FNDC1: variants seen among roughly 807,000 people sequenced by gnomAD.
FNDC1 encodes fibronectin type III domain-containing protein 1.
In FNDC1, 96 loss-of-function variants were observed where a neutral mutation model predicts 168.0. The observed-to-expected ratio is 0.57, with a 90% CI of 0.48 to 0.68. The LOEUF is 0.68. FNDC1 is among the 30% of genes least tolerant of loss of function. The pLI is 0.00. For missense variants in FNDC1, 2,587 were observed against 2,482.1 expected (o/e 1.04, Z -0.90); for synonymous variants, 1,099 against 1,025.9 (o/e 1.07, Z -1.36).
rs762902369 is a variant in FNDC1 at position 159,232,338 on chromosome 6, G to T, written c.1826G>T (p.Arg609Leu). 8 of 1,613,252 alleles carry T rather than the reference G, an allele frequency of 5.0e-6. No individual in the cohort carries two copies. Among genetic ancestry groups the T allele is most frequent in the African/African-American group, 4.0e-5 (3 of 74,918 alleles). The change falls in exon 11 of 23, where the codon CGC (arginine) becomes CTC (leucine). Residue 609 changes from arginine (R) to leucine (L), a missense_variant. By Grantham distance (102) the Arg-to-Leu change is moderately radical. Transcript: ENST00000297267. This position sits in a 1 kb window ranked among gnomAD's most constrained non-coding sequence, Gnocchi z 4.9. Reference protein sequence around the residue: ...KPGFSLATQPRPGAPPSASAS... With the variant: ...KPGFSLATQPLPGAPPSASAS... ...GGCTTTTCCCTGGCCACGCAGCCCC[G>T]CCCAGGGGCGCCCCCCTCGGCTTCG...
chr6:159,193,193 T>C (rs1292254919), intron 1 of FNDC1, among the ~76,000 whole-genome samples: 2 of 151,748 alleles, frequency 1.3e-5, no homozygotes, highest in Non-Finnish European at 2.9e-5. Context: ...CAATTGGGAG[T>C]TTTCACACAA....
intron 21 of FNDC1, among the ~76,000 whole-genome samples, chr6:159,267,214 G>C (rs1046810618): frequency 6.7e-6 from 1 of 150,194 alleles, no homozygotes; most frequent in Non-Finnish European, 1.5e-5. Context: ...AGTACGGTCT[G>C]TCTCTCTCTC....
At chr6:159,212,471 C>G (rs1469237319) in intron 4 of FNDC1, among the ~76,000 whole-genome samples, 1 of 152,032 alleles carries the variant, frequency 6.6e-6, no homozygotes, top group Admixed American at 6.5e-5. Context: ...GATGATCTAT[C>G]AAAGATGTTT....
chr6:159,169,764 C>A lies in FNDC1; in HGVS notation c.109+59C>A. 4.6e-6 allele frequency: 3 copies of A among 646,644 alleles called. No homozygotes were observed. The highest frequency in any genetic ancestry group is 7.6e-5 in the South Asian group (1 of 13,234). 40.1% of individuals were successfully genotyped at this position (646,644 alleles called of 1,614,324 possible). On this transcript the variant is annotated intron_variant, in intron 1 of 22. Transcript: ENST00000297267. This position sits in a 1 kb window ranked among gnomAD's most constrained non-coding sequence, Gnocchi z 6.8. ...AGCTCCCCGCGCACCCTCCTGCGCT[C>A]GGGCCCCGTCGTCCCGCTCAGTGCT...
chr6:159,196,307 A>G (rs1005383595), intron 1 of FNDC1, among the ~76,000 whole-genome samples: 1 of 152,178 alleles, frequency 6.6e-6, no homozygotes, highest in African/African-American at 2.4e-5. Context: ...CCTCAAATTC[A>G]TACTCTTCTT....
At position 159,266,095 on chromosome 6, in the gene FNDC1, A is replaced by G. The variant is rs1284904421; in HGVS notation, c.5296A>G (p.Ile1766Val). Residue 1766 changes from isoleucine to valine, a missense_variant, in exon 21 of 23, where the codon ATC becomes GTC. Transcript: ENST00000297267. ...LVVRPPGGEPIWIPFAFKHDP... is the reference protein window; with the variant it reads ...LVVRPPGGEPVWIPFAFKHDP... ...TTTGTGTTGTCAAGGCGGTGAGCCT[A>G]TCTGGATCCCATTCGCTTTCAAACA... The G allele has an allele frequency of 6.2e-7, 1 of 1,613,804 alleles. No individual in the cohort carries two copies. Among genetic ancestry groups the G allele is most frequent in the Non-Finnish European group, 8.5e-7 (1 of 1,179,770 alleles).
At chr6:159,187,713 T>C (rs2114932905) in intron 1 of FNDC1, among the ~76,000 whole-genome samples, 1 of 152,346 alleles carries the variant, frequency 6.6e-6, no homozygotes, top group Middle Eastern at 3.4e-3. Flanking sequence ...GTCTGGGTCA[T>C]AAATATTTGC....
At chr6:159,207,038 G>A (rs1480990420) in intron 4 of FNDC1, among the ~76,000 whole-genome samples, 3 of 152,192 alleles carry the variant, frequency 2.0e-5, no homozygotes, top group Admixed American at 6.5e-5. Context: ...GTGAGAAGCT[G>A]TTTGACTCCA....
In FNDC1 at chr6:159,239,890, A is replaced by G; in HGVS notation, c.4554A>G (p.Glu1518=). 6.5e-7 allele frequency: 1 copy of G among 1,537,870 alleles called. No homozygotes were observed. The highest frequency in any genetic ancestry group is 8.8e-7 in the Non-Finnish European group (1 of 1,139,542). Residue 1518 remains glutamate (E), a synonymous_variant, in exon 14 of 23, where the codon GAA becomes GAG. Coordinates refer to ENST00000297267, the MANE Select transcript of FNDC1 (RefSeq NM_032532.3). ...CCACCTGTCCCCCTGGGACCTTGGA[A>G]CGGCACGACGATGATGGCAACCTGA... The part of the protein sequence containing the change: ...PIPTCPPGTL[E]RHDDDGNLIM...
chr6:159,260,835 A>G (rs1380999108), intron 18 of FNDC1, among the ~76,000 whole-genome samples: 1 of 152,236 alleles, frequency 6.6e-6, no homozygotes, highest in Non-Finnish European at 1.5e-5. Context: ...AAACCTGAGC[A>G]AGAGCAGGGC....
chr6:159,247,929 G>A (rs549703471), intron 15 of FNDC1, among the ~76,000 whole-genome samples: 17 of 152,216 alleles, frequency 1.1e-4, no homozygotes, highest in African/African-American at 3.4e-4. Flanking sequence ...ACCCAGTGCC[G>A]GCCTTTGACA....
At chr6:159,212,104 C>A (rs553159926) in intron 4 of FNDC1, among the ~76,000 whole-genome samples, 3 of 152,238 alleles carry the variant, frequency 2.0e-5, no homozygotes, top group African/African-American at 7.2e-5. Flanking sequence ...ATTGTTTCAC[C>A]CAGGGGACCT....
At chr6:159,240,793 C>T (rs565280585) in intron 14 of FNDC1, 3 of 152,186 alleles carry the variant, frequency 2.0e-5, no homozygotes, top group African/African-American at 7.2e-5. Flanking sequence ...TGGAAGAAGT[C>T]ATTCTAGATT....
chr6:159,250,957 G>T (rs557666350), intron 16 of FNDC1, among the ~76,000 whole-genome samples: 2 of 152,200 alleles, frequency 1.3e-5, no homozygotes, highest in Admixed American at 6.5e-5. Flanking sequence ...GGGTGGGCCT[G>T]ACTCACCCTT....
In FNDC1 at chr6:159,213,800, G is replaced by A. The variant is rs532505233; in HGVS notation, c.461-1145G>A. On this transcript the variant is annotated intron_variant, in intron 4 of 22. Transcript: ENST00000297267. ...TTCTCTTAGTAGCCTATAGGAATGG[G>A]GTGCCCAGTGACTGGTTGGGTAGCT... 2.0e-5 allele frequency among the ~76,000 whole-genome samples: 3 copies of A among 152,276 alleles called. No homozygotes were observed. The South Asian group carries it at 6.2e-4, about 32-fold the overall frequency.
At chr6:159,259,658 A>G (rs1448584784) in intron 18 of FNDC1, among the ~76,000 whole-genome samples, 1 of 152,226 alleles carries the variant, frequency 6.6e-6, no homozygotes, top group Non-Finnish European at 1.5e-5. Flanking sequence ...CACTGCTCAA[A>G]CTGCCTGCAG....
At position 159,232,549 on chromosome 6, in the gene FNDC1, C is replaced by T. The variant is rs1287598363; in HGVS notation, c.2037C>T (p.Ser679=). 6.8e-6 allele frequency: 11 copies of T among 1,612,018 alleles called. No individual in the cohort carries two copies. The Admixed American group carries it at 8.4e-5, about 12-fold the overall frequency. ...ALSPSRQSPS[S]VLRDRSSVHP... is the part of the protein sequence containing the mutation. Reference sequence around the variant, plus strand: ...CCCCCAGCCGCCAGTCCCCGTCCAGCGTTCTCCGCGACAGAAGCTCTGTGC... The same window carrying T: ...CCCCCAGCCGCCAGTCCCCGTCCAGTGTTCTCCGCGACAGAAGCTCTGTGC... Residue 679 remains serine, a synonymous_variant, in exon 11 of 23, where the codon AGC becomes AGT. Coordinates refer to ENST00000297267, the MANE Select transcript of FNDC1 (RefSeq NM_032532.3). This position sits in a 1 kb window ranked among gnomAD's most constrained non-coding sequence, Gnocchi z 4.9.
intron 1 of FNDC1, among the ~76,000 whole-genome samples, chr6:159,185,731 T>C (rs1272177231): frequency 6.6e-6 from 1 of 152,224 alleles, no homozygotes; most frequent in Non-Finnish European, 1.5e-5. Context: ...AAATGCTTTC[T>C]GAGAAATGGC....
At chr6:159,206,373 C>T (rs1426146131) in intron 4 of FNDC1, among the ~76,000 whole-genome samples, 1 of 152,228 alleles carries the variant, frequency 6.6e-6, no homozygotes. Flanking sequence ...GTGCACTTCA[C>T]AGGACAAAAG....
Sources: allele counts gnomAD v4.1 joint callset (sites outside exome capture counted in the v4.1 genomes callset), GRCh38; gene constraint gnomAD v4.1.1; non-coding constraint Gnocchi (gnomAD v3.1); transcripts MANE v1.5; gene names NCBI Gene and HGNC (gene_info 2026-07-23, HGNC 2026-07-21).